The following GLT8D2 variants were observed in gnomAD, a reference collection of about 807,000 sequenced individuals.
GLT8D2 encodes the protein glycosyltransferase 8 domain containing 2.
Under a neutral mutation model 44.5 loss-of-function variants are expected in GLT8D2, and 45 were observed. The observed-to-expected ratio is 1.01, with a 90% CI of 0.80 to 1.30. The LOEUF (loss-of-function observed/expected upper bound fraction) is 1.30. Ranked by LOEUF, GLT8D2 falls within the 50% of genes most tolerant of loss-of-function variation. GLT8D2 has a pLI of 0.00. For missense variants in GLT8D2, 400 were observed against 430.4 expected (o/e 0.93, Z 0.62); for synonymous variants, 156 against 157.2 (o/e 0.99, Z 0.06).
intron 1 of GLT8D2, among the ~76,000 whole-genome samples, chr12:104,063,014 C>A (rs1230571877): frequency 6.6e-6 from 1 of 152,002 alleles, no homozygotes. Flanking sequence ...TTGTGTACTC[C>A]CTATGAGAAT....
upstream of GLT8D2, among the ~76,000 whole-genome samples, chr12:104,052,459 C>T (rs1422394564): frequency 1.3e-5 from 2 of 152,282 alleles, no homozygotes; most frequent in Middle Eastern, 3.4e-3. Flanking sequence ...AGCAAGTTAG[C>T]GATGAAGCCA....
chr12:104,009,743 G>A (rs918045303), intron 4 of GLT8D2, among the ~76,000 whole-genome samples: 3 of 152,186 alleles, frequency 2.0e-5, no homozygotes, highest in African/African-American at 7.2e-5. Context: ...GAGATGATGT[G>A]AATCATGGGG....
intron 10 of GLT8D2, among the ~76,000 whole-genome samples, chr12:103,992,287 A>C (rs1593525459): frequency 6.6e-6 from 1 of 152,214 alleles, no homozygotes; most frequent in Non-Finnish European, 1.5e-5. Context: ...TGAGTAAAAG[A>C]CTTAGAGAAC....
intron 2 of GLT8D2, among the ~76,000 whole-genome samples, chr12:104,020,679 T>A (rs1877513507): frequency 1.3e-5 from 2 of 151,756 alleles, no homozygotes; most frequent in Non-Finnish European, 2.9e-5. Context: ...GGAGGAGAAA[T>A]CAGGAAAAAC....
intron 5 of GLT8D2, among the ~76,000 whole-genome samples, chr12:104,002,332 C>A (rs2136296910): frequency 6.6e-6 from 1 of 152,260 alleles, no homozygotes; most frequent in South Asian, 2.1e-4. Context: ...ATCCTATGCC[C>A]ATTTTTTAAC....
intron 7 of GLT8D2, among the ~76,000 whole-genome samples, chr12:103,997,096 G>A (rs547205216): frequency 1.3e-5 from 2 of 152,262 alleles, no homozygotes; most frequent in East Asian, 1.9e-4. Context: ...ACACCAATGC[G>A]TATCCTGTTT....
At chr12:104,002,339 T>A (rs541125741) in intron 5 of GLT8D2, among the ~76,000 whole-genome samples, 4 of 152,372 alleles carry the variant, frequency 2.6e-5, no homozygotes, top group African/African-American at 9.6e-5. Context: ...GCCCATTTTT[T>A]AACCATGTTT....
At chr12:104,047,516 G>A (rs558047121) in intron 1 of GLT8D2, among the ~76,000 whole-genome samples, 27 of 152,146 alleles carry the variant, frequency 1.8e-4, no homozygotes, top group African/African-American at 6.3e-4. Context: ...ATGTTGGTCA[G>A]TCTGGTCTCA....
At chr12:103,991,133 C>T (rs1472121920) in intron 10 of GLT8D2, among the ~76,000 whole-genome samples, 2 of 152,168 alleles carry the variant, frequency 1.3e-5, no homozygotes, top group Non-Finnish European at 2.9e-5. Context: ...AGAAAAACGA[C>T]ATCTTTCCTT....
At chr12:103,992,241 A>G (rs1220395919) in intron 10 of GLT8D2, among the ~76,000 whole-genome samples, 5 of 152,198 alleles carry the variant, frequency 3.3e-5, no homozygotes, top group African/African-American at 4.8e-5. Flanking sequence ...CATAGTTGGG[A>G]TTCCAGTTCA....
At chr12:104,014,772 C>T (rs993252355) in intron 4 of GLT8D2, among the ~76,000 whole-genome samples, 2 of 152,194 alleles carry the variant, frequency 1.3e-5, no homozygotes, top group Admixed American at 6.5e-5. Flanking sequence ...CACGGGTGGG[C>T]CCAGTGCTGT....
rs1159987866 is a variant in GLT8D2, at chr12:104,048,159, T to G, written c.-164+1736A>C. 2.0e-5 allele frequency among the ~76,000 whole-genome samples: 3 copies of G among 152,164 alleles called. No individual in the cohort carries two copies. In the East Asian group the frequency reaches 5.8e-4, roughly 29 times the overall value. ...AGGAAAAACAAGGCATCCCCTTGGATGAGCTCCAGGGAAGGTGGAGAATAG... is the reference window on the plus strand; with the variant it reads ...AGGAAAAACAAGGCATCCCCTTGGAGGAGCTCCAGGGAAGGTGGAGAATAG... On this transcript the variant is annotated intron_variant, in intron 1 of 10. Coordinates refer to ENST00000360814, the MANE Select transcript of GLT8D2 (RefSeq NM_001384711.1).
chr12:104,056,354 G>A (rs950800440), intron 1 of GLT8D2, among the ~76,000 whole-genome samples: 7 of 152,254 alleles, frequency 4.6e-5, no homozygotes, highest in Non-Finnish European at 1.0e-4. Context: ...TAAGCCTTTG[G>A]CCCTTGGCCT....
rs1030768533 is a variant in GLT8D2, at chr12:104,019,741, T to A, written c.-28-65A>T. On this transcript the variant is annotated intron_variant, in intron 2 of 10. Transcript: ENST00000360814. ...CAACTTAAAACTCATCAACAAGTGT[T>A]AAGGACTATGCCTTCCCTGAAAGAC... 3 of 1,029,438 alleles carry A rather than the reference T, an allele frequency of 2.9e-6. No individual in the cohort carries two copies. In the East Asian group the frequency reaches 7.4e-5, roughly 26 times the overall value. 63.8% of individuals were successfully genotyped at this position (1,029,438 alleles called of 1,614,324 possible).
At position 103,997,299 on chromosome 12, in the gene GLT8D2, A is replaced by C. The variant is rs572578893; in HGVS notation, c.487+152T>G. The C allele has an allele frequency of 7.6e-6, 5 of 656,170 alleles. No individual in the cohort carries two copies. The East Asian group carries it at 1.3e-4, about 17-fold the overall frequency. 40.6% of individuals were successfully genotyped at this position (656,170 alleles called of 1,614,324 possible). A position where few individuals can be genotyped will look rare whatever the true frequency, so the allele number is the denominator to read the frequency against. ...CAGTAAGTATCAACCCGTTTCCAAA[A>C]TACTTCCACATTTACAACAATACTG... On this transcript the variant is annotated intron_variant, in intron 7 of 10. Transcript: ENST00000360814.
intron 4 of GLT8D2, among the ~76,000 whole-genome samples, chr12:104,004,863 C>G (rs368315370): frequency 0.26 from 39,836 of 151,982 alleles, 6,238 homozygotes; most frequent in Non-Finnish European, 0.34. Context: ...ACTTTCTTCA[C>G]AGAATTGGAA....
intron 2 of GLT8D2, among the ~76,000 whole-genome samples, chr12:104,020,000 A>G (rs1877422928): frequency 6.6e-6 from 1 of 151,778 alleles, no homozygotes; most frequent in Non-Finnish European, 1.5e-5. Context: ...GCTCACTGCA[A>G]TCTCCCCCTC....
At chr12:104,060,715 G>A (rs1002484588) in intron 1 of GLT8D2, among the ~76,000 whole-genome samples, 5 of 152,090 alleles carry the variant, frequency 3.3e-5, no homozygotes, top group Non-Finnish European at 5.9e-5. Flanking sequence ...TTGAGCTCAG[G>A]AGTTCAAGAC....
Position 104,015,460 on chromosome 12 carries a change from C to T in GLT8D2, c.20-355G>A, listed in dbSNP as rs139259434. On this transcript the variant is annotated intron_variant, in intron 3 of 10. Coordinates refer to ENST00000360814, the MANE Select transcript of GLT8D2 (RefSeq NM_001384711.1). ...CAAATTAGCTGGGCGTGGTGGCATG[C>T]ACCTGTAGTCTCAGCTACTAAGGAG... 4.3e-4 allele frequency among the ~76,000 whole-genome samples: 64 copies of T among 149,944 alleles called. 2 individuals carry two copies. In the East Asian group the frequency reaches 0.012, roughly 29 times the overall value.
Sources: allele counts gnomAD v4.1 joint callset (sites outside exome capture counted in the v4.1 genomes callset), GRCh38; gene constraint gnomAD v4.1.1; transcripts MANE v1.5; gene names NCBI Gene and HGNC (gene_info 2026-07-23, HGNC 2026-07-21).